Variants in BABAM2 observed in about 807,000 individuals in gnomAD.
The protein encoded by BABAM2 is BRISC and BRCA1 A complex member 2, also known as BRISC and BRCA1-A complex member 2.
In BABAM2, 31 loss-of-function variants were observed where a neutral mutation model predicts 54.7. That is an observed-to-expected ratio of 0.57 (90% confidence interval 0.43 to 0.77). BABAM2 has a LOEUF of 0.77. Ranked by LOEUF, BABAM2 falls within the 30% of genes least tolerant of loss-of-function variation. BABAM2 has a pLI of 0.00. For synonymous variants in BABAM2, 167 were observed against 162.9 expected (o/e 1.03, Z -0.19); for missense variants, 364 against 455.8 (o/e 0.80, Z 1.83).
At chr2:28,231,383 A>G (rs1558456228) in intron 7 of BABAM2, among the ~76,000 whole-genome samples, 2 of 152,206 alleles carry the variant, frequency 1.3e-5, no homozygotes. Context: ...TGTGTTCAGA[A>G]TGGGAAACTC....
intron 7 of BABAM2, among the ~76,000 whole-genome samples, chr2:28,166,354 G>A (rs1226105490): frequency 6.6e-6 from 1 of 152,058 alleles, no homozygotes; most frequent in African/African-American, 2.4e-5. Context: ...TCTAGGTCAT[G>A]ATAATAAGGT....
intron 4 of BABAM2, among the ~76,000 whole-genome samples, chr2:28,017,171 A>G (rs1339461155): frequency 6.6e-6 from 1 of 152,244 alleles, no homozygotes; most frequent in Non-Finnish European, 1.5e-5. Context: ...ATGATATATT[A>G]GAGGAATTAT....
chr2:28,058,267 A>C (rs1439575929), intron 6 of BABAM2, among the ~76,000 whole-genome samples: 1 of 152,174 alleles, frequency 6.6e-6, no homozygotes, highest in Admixed American at 6.5e-5. Flanking sequence ...AAGTAGTGGG[A>C]GATAAGAAAG....
intron 5 of BABAM2, among the ~76,000 whole-genome samples, chr2:28,034,942 C>G (rs193038353): frequency 6.6e-6 from 1 of 152,172 alleles, no homozygotes; most frequent in Admixed American, 6.5e-5. Flanking sequence ...GGGAAAATGT[C>G]TAGAACTATG....
chr2:28,313,216 TAC>T lies in BABAM2; in HGVS notation c.1088+14726_1088+14727del, dbSNP rs879703203. 5.7e-3 allele frequency among the ~76,000 whole-genome samples: 865 copies of T among 152,304 alleles called. 8 individuals carry two copies. Among genetic ancestry groups the T allele is most frequent in the African/African-American group, 0.019 (810 of 41,554 alleles). On this transcript the variant is annotated intron_variant, in intron 11 of 11. Coordinates refer to ENST00000379624, the MANE Select transcript of BABAM2 (RefSeq NM_199191.3). Reference sequence around the variant, plus strand: ...CCCTGCTGAGAGTCTAAAAACCAAGTACTTTTAAGAGAAGGTAACATGCTTCT... The same window carrying T: ...CCCTGCTGAGAGTCTAAAAACCAAGTTTTTAAGAGAAGGTAACATGCTTCT...
Position 28,307,105 on chromosome 2 carries a change from C to T in BABAM2, c.1088+8614C>T, listed in dbSNP as rs1407233102. ...CACTGCAACCTCTGCCTCCCGGGTT[C>T]AAGTGATTCTCCTGCCTCAGCCTCC... On this transcript the variant is annotated intron_variant, in intron 11 of 11. Coordinates refer to ENST00000379624, the MANE Select transcript of BABAM2 (RefSeq NM_199191.3). Among the ~76,000 whole-genome samples, 7 of 139,608 alleles carry T rather than the reference C, an allele frequency of 5.0e-5. No individual in the cohort carries two copies. In the Admixed American group the frequency reaches 5.5e-4, roughly 11 times the overall value. The allele number at this position is 139,608 out of a possible 152,430, so 91.6% of individuals were successfully genotyped here.
intron 2 of BABAM2, among the ~76,000 whole-genome samples, chr2:27,926,486 T>C (rs1256191165): frequency 1.3e-5 from 2 of 152,232 alleles, no homozygotes; most frequent in African/African-American, 2.4e-5. Context: ...CTTTGTGTTA[T>C]TCAGTTTTCG....
intron 7 of BABAM2, among the ~76,000 whole-genome samples, chr2:28,142,428 C>T (rs917012919): frequency 6.6e-6 from 1 of 152,138 alleles, no homozygotes; most frequent in Non-Finnish European, 1.5e-5. Context: ...TGGCAAATTT[C>T]AGCTGAGCCA....
chr2:27,890,288 C>T (rs780127805), upstream of BABAM2: 2 of 1,613,910 alleles, frequency 1.2e-6, no homozygotes, highest in Non-Finnish European at 1.7e-6. This position sits in a 1 kb window ranked among gnomAD's most constrained non-coding sequence, Gnocchi z 4.8. Context: ...GAGCCCACCA[C>T]TACCACCGCC....
chr2:27,965,381 A>G (rs1339221177), intron 3 of BABAM2, among the ~76,000 whole-genome samples: 1 of 152,200 alleles, frequency 6.6e-6, no homozygotes. Context: ...AGAATGGTAT[A>G]ATGAACTCTT....
chr2:27,932,886 G>A (rs1249149211), intron 3 of BABAM2, among the ~76,000 whole-genome samples: 2 of 152,112 alleles, frequency 1.3e-5, no homozygotes, highest in African/African-American at 4.8e-5. Flanking sequence ...TCTGCATTCT[G>A]TCTCTAGCAA....
intron 6 of BABAM2, among the ~76,000 whole-genome samples, chr2:28,100,900 G>T (rs1667026900): frequency 6.6e-6 from 1 of 152,182 alleles, no homozygotes; most frequent in African/African-American, 2.4e-5. Flanking sequence ...TCATGGTCAG[G>T]AGGAAGAAAT....
At chr2:28,209,578 C>G (rs546325876) in intron 7 of BABAM2, among the ~76,000 whole-genome samples, 2 of 152,188 alleles carry the variant, frequency 1.3e-5, no homozygotes, top group East Asian at 1.9e-4. Flanking sequence ...TAGACTGTGA[C>G]GTATATGCTC....
At chr2:27,987,754 G>T (rs913820048) in intron 3 of BABAM2, among the ~76,000 whole-genome samples, 1 of 150,546 alleles carries the variant, frequency 6.6e-6, no homozygotes, top group Non-Finnish European at 1.5e-5. Flanking sequence ...GGTCGAGGCT[G>T]CAGTGAGTCA....
intron 6 of BABAM2, among the ~76,000 whole-genome samples, chr2:28,107,323 T>A (rs368169002): frequency 6.6e-6 from 1 of 152,222 alleles, no homozygotes; most frequent in Non-Finnish European, 1.5e-5. Flanking sequence ...TGTAAAACAG[T>A]CTGATTATGT....
chr2:28,008,076 A>C (rs1427224340), intron 4 of BABAM2, among the ~76,000 whole-genome samples: 1 of 152,200 alleles, frequency 6.6e-6, no homozygotes, highest in Non-Finnish European at 1.5e-5. Flanking sequence ...ATTTGCATAG[A>C]GATGAATAAA....
intron 10 of BABAM2, among the ~76,000 whole-genome samples, chr2:28,274,680 C>T (rs538455756): frequency 6.6e-6 from 1 of 152,256 alleles, no homozygotes; most frequent in Non-Finnish European, 1.5e-5. Flanking sequence ...TTATGCACAG[C>T]GCCTGGCCCG....
intron 7 of BABAM2, among the ~76,000 whole-genome samples, chr2:28,136,005 C>T (rs1670501910): frequency 6.6e-6 from 1 of 152,192 alleles, no homozygotes; most frequent in South Asian, 2.1e-4. Context: ...AAATGCACAG[C>T]TCTCCATCTG....
At chr2:28,334,867 C>T (rs1691290624) in intron 11 of BABAM2, among the ~76,000 whole-genome samples, 1 of 152,144 alleles carries the variant, frequency 6.6e-6, no homozygotes, top group Non-Finnish European at 1.5e-5. Context: ...CCGGCCTTGC[C>T]TAGGTCTGGA....
Sources: allele counts gnomAD v4.1 joint callset (sites outside exome capture counted in the v4.1 genomes callset), GRCh38; gene constraint gnomAD v4.1.1; non-coding constraint Gnocchi (gnomAD v3.1); transcripts MANE v1.5; gene names NCBI Gene and HGNC (gene_info 2026-07-23, HGNC 2026-07-21).